Variants in NRG1 observed in about 807,000 individuals in gnomAD.
NRG1 encodes the protein pro-neuregulin-1, membrane-bound isoform.
A neutral mutation model predicts 63.8 loss-of-function variants in NRG1; 18 were observed. The ratio of observed to expected loss-of-function variants is 0.28; its 90% CI spans 0.19 to 0.42. NRG1 has a LOEUF of 0.42. NRG1 is among the 10% of genes least tolerant of loss of function. NRG1 has a pLI of 1.00. For missense variants in NRG1, 762 were observed against 814.7 expected (o/e 0.94, Z 0.79); for synonymous variants, 302 against 301.3 (o/e 1.00, Z -0.02).
At chr8:32,653,034 C>T (rs1013778572) in intron 5 of NRG1, among the ~76,000 whole-genome samples, 4 of 152,198 alleles carry the variant, frequency 2.6e-5, no homozygotes, top group Admixed American at 1.3e-4. Flanking sequence ...GCATAAACTA[C>T]ATTCCGTCTA....
chr8:32,284,602 C>T (rs1586619502), intron 1 of NRG1, among the ~76,000 whole-genome samples: 1 of 151,886 alleles, frequency 6.6e-6, no homozygotes, highest in Non-Finnish European at 1.5e-5. Context: ...ATAATCAAGG[C>T]TCACAGCAGC....
intron 1 of NRG1, among the ~76,000 whole-genome samples, chr8:32,584,019 T>G (rs1841173679): frequency 1.3e-5 from 2 of 152,218 alleles, no homozygotes; most frequent in South Asian, 4.2e-4. Context: ...TTTCAAAAGA[T>G]TCTTTAAGGA....
intron 7 of NRG1, among the ~76,000 whole-genome samples, chr8:32,753,607 C>T (rs1277434719): frequency 6.6e-6 from 1 of 152,162 alleles, no homozygotes; most frequent in Non-Finnish European, 1.5e-5. Context: ...TTAGAATTGT[C>T]TTCCAAAGGA....
chr8:32,225,289 G>A (rs1239033816), intron 1 of NRG1, among the ~76,000 whole-genome samples: 2 of 152,118 alleles, frequency 1.3e-5, no homozygotes, highest in African/African-American at 4.8e-5. Context: ...TTTCCCTCAT[G>A]TCCAGATAGG....
At chr8:32,092,347 C>G (rs192631754) in intron 1 of NRG1, among the ~76,000 whole-genome samples, 1 of 150,672 alleles carries the variant, frequency 6.6e-6, no homozygotes. Flanking sequence ...GTAACAGCTG[C>G]TCAAGAGGCT....
intron 1 of NRG1, among the ~76,000 whole-genome samples, chr8:31,688,668 G>T (rs1209579314): frequency 6.6e-6 from 1 of 152,276 alleles, no homozygotes; most frequent in South Asian, 2.1e-4. Flanking sequence ...AGCTATACAA[G>T]TATGTAAAAT....
intron 1 of NRG1, among the ~76,000 whole-genome samples, chr8:32,589,459 G>T (rs377186474): frequency 6.6e-6 from 1 of 152,228 alleles, no homozygotes; most frequent in East Asian, 1.9e-4. Context: ...GTGATGGTGG[G>T]CTTTTTACAC....
At chr8:32,239,085 G>T (rs575801009) in intron 1 of NRG1, among the ~76,000 whole-genome samples, 1 of 152,080 alleles carries the variant, frequency 6.6e-6, no homozygotes, top group East Asian at 1.9e-4. Flanking sequence ...CTATTCCTTG[G>T]TTTCTTCACC....
At chr8:32,330,430 A>G (rs1429723132) in intron 1 of NRG1, among the ~76,000 whole-genome samples, 1 of 152,184 alleles carries the variant, frequency 6.6e-6, no homozygotes, top group Admixed American at 6.5e-5. Flanking sequence ...ATGTTAGTGC[A>G]GTAGGTTTAT....
chr8:32,141,598 A>G lies in NRG1; in HGVS notation c.38-454230A>G, dbSNP rs1585609588. Among the ~76,000 whole-genome samples the G allele has an allele frequency of 1.2e-4, 9 of 76,964 alleles. No homozygotes were observed. The South Asian group carries it at 1.4e-3, about 12-fold the overall frequency. 50.5% of individuals were successfully genotyped at this position (76,964 alleles called of 152,430 possible). ...ACATATCCTATGTGTGTGGGTATAT[A>G]TATATATATATATATATATATATAT... is the stretch of plus-strand genomic sequence containing the variant. On this transcript the variant is annotated intron_variant, in intron 1 of 10. Coordinates refer to the NRG1 transcript ENST00000519301.
At chr8:31,720,939 G>A (rs1005019717) in intron 1 of NRG1, among the ~76,000 whole-genome samples, 1 of 152,176 alleles carries the variant, frequency 6.6e-6, no homozygotes, top group Admixed American at 6.6e-5. Flanking sequence ...GTGGATAAAT[G>A]TGTTTATTTT....
chr8:31,874,887 C>CA (rs1299640319), intron 1 of NRG1, among the ~76,000 whole-genome samples: 1 of 152,138 alleles, frequency 6.6e-6, no homozygotes, highest in South Asian at 2.1e-4. Context: ...AATCAGATGT[C>CA]ATTCTGAGAC....
chr8:32,416,629 T>G (rs1815951711), intron 1 of NRG1, among the ~76,000 whole-genome samples: 1 of 152,150 alleles, frequency 6.6e-6, no homozygotes, highest in African/African-American at 2.4e-5. Flanking sequence ...TTTAACTGTC[T>G]GTGTTTTCCT....
chr8:31,927,717 G>A (rs971861740), intron 1 of NRG1, among the ~76,000 whole-genome samples: 1 of 149,932 alleles, frequency 6.7e-6, no homozygotes, highest in Non-Finnish European at 1.5e-5. Flanking sequence ...CAAAGTGCTG[G>A]GATTACAGGC....
intron 1 of NRG1, among the ~76,000 whole-genome samples, chr8:32,020,068 A>G (rs1327149001): frequency 2.6e-5 from 4 of 152,166 alleles, no homozygotes; most frequent in Non-Finnish European, 5.9e-5. Flanking sequence ...ATGCTATTGC[A>G]TTAAAACCGT....
intron 1 of NRG1, among the ~76,000 whole-genome samples, chr8:32,322,709 A>G (rs16879122): frequency 0.13 from 19,919 of 151,980 alleles, 1,942 homozygotes; most frequent in East Asian, 0.58. Context: ...CAGGAAAGGA[A>G]GGATATTCTG....
intron 1 of NRG1, among the ~76,000 whole-genome samples, chr8:31,745,742 G>A (rs1815785131): frequency 6.6e-6 from 1 of 151,834 alleles, no homozygotes; most frequent in South Asian, 2.1e-4. Context: ...GCATGAATGA[G>A]CCAAGATGTA....
At chr8:32,764,080 C>T (rs1564141600) in exon 12 of NRG1, 2 of 1,613,960 alleles carry the variant, frequency 1.2e-6, no homozygotes, top group East Asian at 2.2e-5. Context: ...TACGAGCCAG[C>T]CCAAGAGCCT....
At chr8:31,761,639 G>T (rs1277497560) in intron 1 of NRG1, among the ~76,000 whole-genome samples, 1 of 152,068 alleles carries the variant, frequency 6.6e-6, no homozygotes, top group African/African-American at 2.4e-5. Flanking sequence ...GGAGCAGTTA[G>T]AACACACATA....
Sources: gnomAD v4.1 joint callset for allele counts (sites outside exome capture counted in the v4.1 genomes callset) on GRCh38, gnomAD v4.1.1 for gene constraint, MANE v1.5 for transcripts, NCBI Gene and HGNC (gene_info 2026-07-23, HGNC 2026-07-21) for gene names.